The following RREB1 variants were observed in gnomAD, a reference collection of about 807,000 sequenced individuals.
RREB1 encodes the protein ras-responsive element-binding protein 1.
A neutral mutation model predicts 117.8 loss-of-function variants in RREB1; 27 were observed. That is an observed-to-expected ratio of 0.23 (90% CI 0.17 to 0.32). The LOEUF is 0.32. RREB1 is among the 10% of genes least tolerant of loss of function. The pLI, the probability that RREB1 is intolerant of heterozygous loss-of-function variation, is 1.00. For synonymous variants in RREB1, 1,298 were observed against 1,026.7 expected, an observed-to-expected ratio of 1.26 and a Z score of -5.05; for missense variants, 2,577 against 2,378.2, an observed-to-expected ratio of 1.08 and a Z score of -1.74.
chr6:7,181,237 G>A lies in RREB1; in HGVS notation c.-52G>A, dbSNP rs1320557614. The A allele has an allele frequency of 1.0e-5, 4 of 398,884 alleles. No individual in the cohort carries two copies. Among genetic ancestry groups the A allele is most frequent in the Non-Finnish European group, 1.3e-5 (3 of 226,384 alleles). The allele number at this position is 398,884 out of a possible 1,614,324, so 24.7% of individuals were successfully genotyped here. On this transcript the variant is annotated 5_prime_UTR_variant, in exon 3 of 13. Transcript: ENST00000379938. Reference sequence around the variant, plus strand: ...AGTTTCATAGTCTATCAGTGGGTCAGAAAATGGAGGTAATCAGCAGTGTGG... The same window carrying A: ...AGTTTCATAGTCTATCAGTGGGTCAAAAAATGGAGGTAATCAGCAGTGTGG...
rs939721089 is a variant in RREB1, at chr6:7,151,255, T to C, written c.-284-25400T>C. Among the ~76,000 whole-genome samples the C allele has an allele frequency of 1.2e-4, 19 of 152,232 alleles. 2 individuals are homozygous for C. The Middle Eastern group carries it at 0.01, about 82-fold the overall frequency. On this transcript the variant is annotated intron_variant, in intron 1 of 12. Coordinates refer to ENST00000379938, the MANE Select transcript of RREB1 (RefSeq NM_001003699.4). Reference sequence around the variant, plus strand: ...CTTTTACTAGATATTGTATTATGTATAAGGGGGGAGCTGAGGCCCAAAGAG... The same window carrying C: ...CTTTTACTAGATATTGTATTATGTACAAGGGGGGAGCTGAGGCCCAAAGAG...
At chr6:7,233,403 T>C (rs1018015885) in intron 10 of RREB1, among the ~76,000 whole-genome samples, 39 of 152,220 alleles carry the variant, frequency 2.6e-4, no homozygotes, top group African/African-American at 8.7e-4. Flanking sequence ...TAAGCGCAAA[T>C]TAGTGAGATC....
intron 11 of RREB1, among the ~76,000 whole-genome samples, chr6:7,243,692 CCT>C (rs1262516355): frequency 2.0e-5 from 3 of 152,132 alleles, no homozygotes; most frequent in African/African-American, 4.8e-5. Flanking sequence ...AACCAAGCCC[CCT>C]GTGTCCAAAG....
At position 7,190,587 on chromosome 6, in the gene RREB1, T is replaced by C. The variant is rs188773887; in HGVS notation, c.425+1265T>C. 1.3e-3 allele frequency among the ~76,000 whole-genome samples: 191 copies of C among 152,378 alleles called. 2 individuals are homozygous for C. The highest frequency in any genetic ancestry group is 2.2e-4 in the Non-Finnish European group (15 of 68,038). On this transcript the variant is annotated intron_variant, in intron 6 of 12. Transcript: ENST00000379938. ...CTTTTTATTTTCTCATAAATTTCAG[T>C]CCTGATGGGTTATTCTCTTTGCCCC...
At chr6:7,191,170 C>T (rs2113559908) in intron 6 of RREB1, among the ~76,000 whole-genome samples, 1 of 152,170 alleles carries the variant, frequency 6.6e-6, no homozygotes, top group Non-Finnish European at 1.5e-5. Context: ...AACTGTGGTG[C>T]TCTGGGTGTC....
In RREB1 at chr6:7,169,511, G is replaced by A. The variant is rs534501806; in HGVS notation, c.-284-7144G>A. On this transcript the variant is annotated intron_variant, in intron 1 of 12. Coordinates refer to ENST00000379938, the MANE Select transcript of RREB1 (RefSeq NM_001003699.4). ...TCTGGCTTTTTTGGGGAAAGGGCCA[G>A]GGACTCAACTCTTCCCACAGCTGAG... 4.6e-5 allele frequency among the ~76,000 whole-genome samples: 7 copies of A among 152,320 alleles called. No individual in the cohort carries two copies. The South Asian group carries it at 1.2e-3, about 27-fold the overall frequency.
intron 1 of RREB1, among the ~76,000 whole-genome samples, chr6:7,157,804 C>T (rs986851268): frequency 6.6e-6 from 1 of 152,040 alleles, no homozygotes; most frequent in Non-Finnish European, 1.5e-5. Context: ...CTCTTGTGCT[C>T]CCTCTCCACT....
intron 1 of RREB1, among the ~76,000 whole-genome samples, chr6:7,132,821 G>A (rs900913415): frequency 1.9e-5 from 2 of 106,590 alleles, no homozygotes; most frequent in Non-Finnish European, 2.5e-5. Flanking sequence ...TCAACATTCA[G>A]TAAGTGACTG....
At chr6:7,234,440 A>G (rs1038198484) in intron 10 of RREB1, among the ~76,000 whole-genome samples, 7 of 151,884 alleles carry the variant, frequency 4.6e-5, no homozygotes, top group Admixed American at 4.6e-4. Flanking sequence ...AGTTGTGCCC[A>G]TGTCTTTGCA....
At chr6:7,214,644 T>C (rs1359464347) in intron 8 of RREB1, 1 of 152,300 alleles carries the variant, frequency 6.6e-6, no homozygotes, top group East Asian at 1.9e-4. Context: ...ACTGGGACAG[T>C]AGCTAGTGGG....
chr6:7,174,015 C>T (rs1473476909), intron 1 of RREB1, among the ~76,000 whole-genome samples: 1 of 152,194 alleles, frequency 6.6e-6, no homozygotes, highest in East Asian at 1.9e-4. Flanking sequence ...TCTTAGTCCT[C>T]CTGCCTCCGT....
At chr6:7,201,720 G>A (rs1765998197) in intron 6 of RREB1, among the ~76,000 whole-genome samples, 1 of 152,154 alleles carries the variant, frequency 6.6e-6, no homozygotes, top group South Asian at 2.1e-4. Context: ...AGATTCAGTT[G>A]CATAATGGGT....
At chr6:7,232,357 T>C (rs887519506) in intron 10 of RREB1, among the ~76,000 whole-genome samples, 2 of 152,232 alleles carry the variant, frequency 1.3e-5, no homozygotes, top group Non-Finnish European at 2.9e-5. Context: ...GCTTTTTAAA[T>C]TTTGACAATT....
chr6:7,194,083 G>C (rs1765549672), intron 6 of RREB1, among the ~76,000 whole-genome samples: 1 of 152,190 alleles, frequency 6.6e-6, no homozygotes, highest in African/African-American at 2.4e-5. Context: ...GCATGGGATA[G>C]TTTTGGGGGC....
At chr6:7,180,341 G>A (rs530374469) in intron 2 of RREB1, among the ~76,000 whole-genome samples, 3 of 152,328 alleles carry the variant, frequency 2.0e-5, no homozygotes, top group African/African-American at 7.2e-5. Flanking sequence ...AAAGTTGGAG[G>A]AGGAAGCCAT....
At chr6:7,210,776 A>G in intron 6 of RREB1, 28 bp from the exon 7 acceptor site, 1 of 1,578,876 alleles carries the variant, frequency 6.3e-7, no homozygotes, top group Non-Finnish European at 8.6e-7. Context: ...TTGTTAGATC[A>G]CATTGTGTGT....
In RREB1 at chr6:7,248,872, C is replaced by G. The variant is rs1339519073; in HGVS notation, c.5133C>G (p.Ala1711=). Reference sequence around the variant, plus strand: ...ACCTTAACCCAGAGAGCCCGGCGGCCCTGGGGCAGGACCTGCTGGAGCCGC... The same window carrying G: ...ACCTTAACCCAGAGAGCCCGGCGGCGCTGGGGCAGGACCTGCTGGAGCCGC... ...QGDLNPESPA[A]LGQDLLEPRS... Residue 1711 remains alanine (A), a synonymous_variant, in exon 13 of 13, where the codon GCC becomes GCG. Coordinates refer to ENST00000379938, the MANE Select transcript of RREB1 (RefSeq NM_001003699.4). 6.3e-7 allele frequency: 1 copy of G among 1,594,986 alleles called. No individual in the cohort carries two copies. Among genetic ancestry groups the G allele is most frequent in the Non-Finnish European group, 8.5e-7 (1 of 1,171,646 alleles).
chr6:7,231,933 CAGTG>C, intron 10 of RREB1, 26 bp downstream of exon 10: 1 of 1,555,984 alleles, frequency 6.4e-7, no homozygotes, highest in Non-Finnish European at 8.7e-7. Context: ...GGCTCCCAGG[CAGTG>C]AGTCCTACTT....
intron 10 of RREB1, among the ~76,000 whole-genome samples, chr6:7,236,899 T>G (rs1405230784): frequency 2.2e-5 from 3 of 136,784 alleles, no homozygotes; most frequent in Non-Finnish European, 4.7e-5. Flanking sequence ...TTTTTTTTTT[T>G]TTTTTTTTTT....
Sources: allele counts gnomAD v4.1 joint callset (sites outside exome capture counted in the v4.1 genomes callset), GRCh38; gene constraint gnomAD v4.1.1; transcripts MANE v1.5; gene names NCBI Gene and HGNC (gene_info 2026-07-23, HGNC 2026-07-21).